The following COL25A1 variants were observed in gnomAD, a reference collection of about 807,000 sequenced individuals.
COL25A1 encodes collagen type XXV alpha 1 chain.
Under a neutral mutation model 128.4 loss-of-function variants are expected in COL25A1, and 103 were observed. The ratio of observed to expected loss-of-function variants is 0.80; its 90% CI spans 0.68 to 0.94. The LOEUF (loss-of-function observed/expected upper bound fraction) is 0.94, where lower values mean the gene tolerates loss of function less well. Among genes scored for constraint, COL25A1 ranks in the 40% least tolerant of loss-of-function variants. COL25A1 has a pLI of 0.00. For synonymous variants in COL25A1, 279 were observed against 277.2 expected (o/e 1.01, Z -0.06); for missense variants, 745 against 840.0 (o/e 0.89, Z 1.40).
intron 3 of COL25A1, among the ~76,000 whole-genome samples, chr4:109,175,389 T>C (rs1297958852): frequency 6.6e-6 from 1 of 152,208 alleles, no homozygotes; most frequent in Non-Finnish European, 1.5e-5. Context: ...AAGTAATCAT[T>C]ATTAACCAAC....
intron 2 of COL25A1, among the ~76,000 whole-genome samples, chr4:109,301,423 A>G (rs931872334): frequency 6.6e-6 from 1 of 152,198 alleles, no homozygotes; most frequent in Non-Finnish European, 1.5e-5. Flanking sequence ...GGTTTGACTT[A>G]GGACAACTAA....
chr4:108,871,220 A>T (rs908758126), intron 19 of COL25A1, among the ~76,000 whole-genome samples: 2 of 152,240 alleles, frequency 1.3e-5, no homozygotes, highest in African/African-American at 4.8e-5. Context: ...TAGTTCTTTG[A>T]AACAGAAAAT....
chr4:109,086,019 A>G (rs977260139), intron 3 of COL25A1, among the ~76,000 whole-genome samples: 3 of 152,208 alleles, frequency 2.0e-5, no homozygotes, highest in African/African-American at 7.2e-5. Context: ...ACTTCCCCTG[A>G]AAGATTATTA....
At chr4:109,170,869 G>A (rs1161947788) in intron 3 of COL25A1, among the ~76,000 whole-genome samples, 1 of 152,086 alleles carries the variant, frequency 6.6e-6, no homozygotes, top group Non-Finnish European at 1.5e-5. Flanking sequence ...GACCCACATT[G>A]TGCTTCTATG....
intron 3 of COL25A1, among the ~76,000 whole-genome samples, chr4:109,065,533 C>CGCGT (rs1762351479): frequency 2.1e-5 from 2 of 97,286 alleles, no homozygotes; most frequent in African/African-American, 1.2e-4. Context: ...TGGTGCAGCA[C>CGCGT]GCGCGCGCGC....
At chr4:109,176,438 T>C (rs749799746) in intron 3 of COL25A1, among the ~76,000 whole-genome samples, 4 of 151,994 alleles carry the variant, frequency 2.6e-5, no homozygotes, top group South Asian at 4.1e-4. Flanking sequence ...GAGTGGAGGA[T>C]AGGATCCAGG....
intron 3 of COL25A1, among the ~76,000 whole-genome samples, chr4:109,142,973 C>T (rs1326776239): frequency 6.6e-6 from 1 of 152,052 alleles, no homozygotes; most frequent in Non-Finnish European, 1.5e-5. Context: ...GATTATTTTG[C>T]CCATTAGTTG....
rs1252727803 is a variant in COL25A1 at position 108,954,735 on chromosome 4, A to G, written c.493-13298T>C. 3.3e-5 allele frequency among the ~76,000 whole-genome samples: 5 copies of G among 152,180 alleles called. No homozygotes were observed. The South Asian group carries it at 8.3e-4, about 25-fold the overall frequency. ...TCTCTTTTTATGGTTACATGAATTA[A>G]TTCAAAGTGTAACATGGTCTTTCAA... On this transcript the variant is annotated intron_variant, in intron 8 of 37. Transcript: ENST00000399132.
At position 109,283,577 on chromosome 4, in the gene COL25A1, A is replaced by AT. The variant is rs554141938; in HGVS notation, c.367+17005dup. On this transcript the variant is annotated intron_variant, in intron 3 of 37. Transcript: ENST00000399132. ...ATCAGCTAGCAACGTGTTTTTAAAA[A>AT]TTACTTGAATGCTTTTAGGTAGGTC... 5.9e-5 allele frequency among the ~76,000 whole-genome samples: 9 copies of AT among 152,250 alleles called. No homozygotes were observed. The South Asian group carries it at 1.9e-3, about 32-fold the overall frequency.
At chr4:108,836,902 A>G (rs997002377) in intron 31 of COL25A1, among the ~76,000 whole-genome samples, 9 of 152,076 alleles carry the variant, frequency 5.9e-5, no homozygotes, top group African/African-American at 2.2e-4. Context: ...AACGTGGCGA[A>G]ACCCTGTCTC....
intron 8 of COL25A1, among the ~76,000 whole-genome samples, chr4:108,974,046 G>A (rs1218629544): frequency 2.0e-5 from 3 of 152,196 alleles, no homozygotes; most frequent in Admixed American, 6.5e-5. Context: ...TCTATGTTGT[G>A]AAACAATTCA....
intron 3 of COL25A1, among the ~76,000 whole-genome samples, chr4:109,066,371 C>A (rs1762449761): frequency 6.6e-6 from 1 of 152,156 alleles, no homozygotes; most frequent in Admixed American, 6.5e-5. Context: ...GGAGGTCTCC[C>A]AAACTCTGTT....
chr4:108,836,986 C>T (rs554300177), intron 31 of COL25A1, among the ~76,000 whole-genome samples: 8 of 151,856 alleles, frequency 5.3e-5, no homozygotes, highest in African/African-American at 7.2e-5. Flanking sequence ...GGCTGAGGCA[C>T]GAGAATTGCT....
intron 6 of COL25A1, among the ~76,000 whole-genome samples, chr4:109,008,340 G>C (rs1371382627): frequency 6.6e-6 from 1 of 152,160 alleles, no homozygotes; most frequent in East Asian, 1.9e-4. Flanking sequence ...TTCCTCAGCA[G>C]GATTGAGCCC....
intron 13 of COL25A1, among the ~76,000 whole-genome samples, chr4:108,915,083 A>T (rs1744712581): frequency 6.6e-6 from 1 of 152,168 alleles, no homozygotes; most frequent in Non-Finnish European, 1.5e-5. Context: ...GTAGCCCTTC[A>T]TAGGTTGTGA....
At chr4:109,001,405 A>G (rs1755379369) in intron 6 of COL25A1, among the ~76,000 whole-genome samples, 1 of 152,290 alleles carries the variant, frequency 6.6e-6, no homozygotes, top group Non-Finnish European at 1.5e-5. Flanking sequence ...TAGGCATCTG[A>G]GATCCTGTCA....
intron 36 of COL25A1, 76 bp from the exon 37 acceptor site, chr4:108,817,511 G>A: frequency 2.2e-6 from 3 of 1,386,884 alleles, no homozygotes; most frequent in African/African-American, 1.4e-5. Flanking sequence ...ATGCTCAGAG[G>A]CTTAAAAATA....
At chr4:109,100,943 G>A (rs1397879480) in intron 3 of COL25A1, among the ~76,000 whole-genome samples, 2 of 152,100 alleles carry the variant, frequency 1.3e-5, no homozygotes, top group Non-Finnish European at 2.9e-5. Context: ...CCAAACTCAG[G>A]TTGGTTTTCT....
intron 6 of COL25A1, among the ~76,000 whole-genome samples, chr4:108,988,234 A>G (rs979967452): frequency 7.9e-5 from 12 of 152,214 alleles, no homozygotes; most frequent in Admixed American, 1.3e-4. Context: ...CCTTTCTCTC[A>G]AATGTGTAGC....
Sources: allele counts gnomAD v4.1 joint callset (sites outside exome capture counted in the v4.1 genomes callset), GRCh38; gene constraint gnomAD v4.1.1; transcripts MANE v1.5; gene names NCBI Gene and HGNC (gene_info 2026-07-23, HGNC 2026-07-21).